Variants in TRPM1 observed in about 807,000 individuals in gnomAD.
TRPM1 encodes the protein TRPM1-203 APA Isoform, Intron 10.
A neutral mutation model predicts 149.4 loss-of-function variants in TRPM1; 113 were observed. The ratio of observed to expected loss-of-function variants is 0.76; its 90% CI spans 0.65 to 0.88. The LOEUF (loss-of-function observed/expected upper bound fraction) is 0.88. Ranked by LOEUF, TRPM1 falls within the 40% of genes least tolerant of loss-of-function variation. The probability of loss-of-function intolerance (pLI) is 0.00; values close to 1 mark genes in which losing one functional copy is unlikely to be tolerated. For missense variants in TRPM1, 1,976 were observed against 2,038.7 expected (o/e 0.97, Z 0.59); for synonymous variants, 741 against 759.5 (o/e 0.98, Z 0.40).
chr15:31,146,914 G>A (rs982008385), intron 1 of TRPM1, among the ~76,000 whole-genome samples: 2 of 152,084 alleles, frequency 1.3e-5, no homozygotes, highest in Non-Finnish European at 2.9e-5. Flanking sequence ...CTTGAACCCA[G>A]GAGGCAGAGG....
rs142461510 is a variant in TRPM1, at chr15:31,010,439, T to G, written c.3630-7369A>C. Among the ~76,000 whole-genome samples the G allele has an allele frequency of 4.9e-4, 74 of 152,326 alleles. No homozygotes were observed. In the East Asian group the frequency reaches 0.014, roughly 28 times the overall value. ...TATAAATATCCTTCTGAATACTGCT[T>G]TTACTGTATCCCATAAATTTTGGTA... On this transcript the variant is annotated intron_variant, in intron 27 of 27. Coordinates refer to ENST00000256552, the MANE Select transcript of TRPM1 (RefSeq NM_001252024.2).
intron 1 of TRPM1, among the ~76,000 whole-genome samples, chr15:31,111,574 G>A (rs1596078628): frequency 2.0e-5 from 3 of 152,308 alleles, no homozygotes; most frequent in Admixed American, 2.0e-4. Context: ...GATAGCAGCA[G>A]ACTGCATGAA....
intron 20 of TRPM1, 82 bp from the exon 21 acceptor site, chr15:31,035,756 G>A: frequency 6.3e-7 from 1 of 1,589,224 alleles, no homozygotes. Flanking sequence ...CTTTCAGGTT[G>A]ACACATCTAA....
At chr15:31,104,810 G>A (rs929509664), upstream of TRPM1, among the ~76,000 whole-genome samples, 3 of 151,960 alleles carry the variant, frequency 2.0e-5, no homozygotes, top group Admixed American at 6.6e-5. Flanking sequence ...TGGCCAGGAT[G>A]GTCTCAATCT....
chr15:31,156,506 G>A (rs930107679), intron 1 of TRPM1, among the ~76,000 whole-genome samples: 3 of 152,102 alleles, frequency 2.0e-5, no homozygotes, highest in Non-Finnish European at 4.4e-5. Context: ...TCTTAACCCA[G>A]ACACTTCTTT....
intron 7 of TRPM1, 24 bp from the exon 8 acceptor site, chr15:31,063,316 C>T (rs1352903085): frequency 6.2e-7 from 1 of 1,613,996 alleles, no homozygotes; most frequent in Non-Finnish European, 8.5e-7. Context: ...CACATTCGCC[C>T]ATACCACCTG....
chr15:31,069,483 GTAATT>G (rs1469687289), intron 4 of TRPM1: 2 of 1,063,100 alleles, frequency 1.9e-6, no homozygotes, highest in African/African-American at 3.3e-5. Flanking sequence ...ATGTAGGAGT[GTAATT>G]CAGAGTGAGC....
intron 1 of TRPM1, among the ~76,000 whole-genome samples, chr15:31,085,482 C>G (rs774804074): frequency 1.3e-5 from 2 of 152,174 alleles, no homozygotes; most frequent in Non-Finnish European, 2.9e-5. Flanking sequence ...TGGATTTTGT[C>G]AACATTGTCG....
intron 1 of TRPM1, among the ~76,000 whole-genome samples, chr15:31,159,208 G>C (rs925185576): frequency 6.6e-6 from 1 of 152,162 alleles, no homozygotes; most frequent in African/African-American, 2.4e-5. Flanking sequence ...GACCAAAATC[G>C]AAGTGATTCT....
chr15:31,097,435 G>A (rs770082799), intron 1 of TRPM1, among the ~76,000 whole-genome samples: 3 of 152,190 alleles, frequency 2.0e-5, no homozygotes, highest in Non-Finnish European at 2.9e-5. Context: ...AAGGGTGCAT[G>A]CCTGTCTTTG....
chr15:31,117,663 A>ATACACAC (rs869149260), intron 1 of TRPM1, among the ~76,000 whole-genome samples: 15 of 47,098 alleles, frequency 3.2e-4, no homozygotes, highest in African/African-American at 9.1e-4. Flanking sequence ...AAAAAAAAAA[A>ATACACAC]ATACACACAC....
chr15:31,046,211 C>G lies in TRPM1; in HGVS notation c.1787G>C (p.Gly596Ala). Residue 596 changes from glycine to alanine, a missense_variant, in exon 16 of 28, where the codon GGA becomes GCA. By Grantham distance (60) the Gly-to-Ala change is moderately conservative (BLOSUM62 0). This residue lies in a region of TRPM1 where 1,332 missense variants were observed against 1,347.1 expected (regional missense o/e 0.99). Coordinates refer to ENST00000256552, the MANE Select transcript of TRPM1 (RefSeq NM_001252024.2). ...PKRPKALKLL[G>A]MEDDEPPAKG... ...AAAACAAGTTCTACTTACTTCCATT[C>G]CCAGAAGTTTAAGAGCTTTAGGCTG... is the stretch of plus-strand genomic sequence containing the variant. 1 of 1,611,200 alleles carries G rather than the reference C, an allele frequency of 6.2e-7. No individual in the cohort carries two copies. Among genetic ancestry groups the G allele is most frequent in the Non-Finnish European group, 8.5e-7 (1 of 1,179,782 alleles).
chr15:31,111,826 T>C (rs2035693285), intron 1 of TRPM1, among the ~76,000 whole-genome samples: 1 of 152,194 alleles, frequency 6.6e-6, no homozygotes, highest in Non-Finnish European at 1.5e-5. Flanking sequence ...TAAGTAATGC[T>C]TTATCGCTTC....
In TRPM1 at chr15:31,027,081, C is replaced by A; in HGVS notation, c.3330G>T (p.Gln1110His). 1 of 1,614,120 alleles carries A rather than the reference C, an allele frequency of 6.2e-7. No homozygotes were observed. The highest frequency in any genetic ancestry group is 8.5e-7 in the Non-Finnish European group (1 of 1,180,030). Residue 1110 changes from glutamine to histidine, a missense_variant, in exon 26 of 28, where the codon CAG becomes CAT. Around this residue, in one of 3 missense-constraint regions of TRPM1, gnomAD observed 72 missense variants for 112.7 expected, o/e 0.64. Coordinates refer to ENST00000256552, the MANE Select transcript of TRPM1 (RefSeq NM_001252024.2). ...GCTGATATCGCTGGAACTTCCACAC[C>A]TGGTTGGATATTGATTTTACTTCAA... ...TFFEVKSISN[Q>H]VWKFQRYQLI...
At chr15:31,078,434 G>A (rs890158) in intron 2 of TRPM1, among the ~76,000 whole-genome samples, 66,515 of 152,040 alleles carry the variant, frequency 0.44, 15,280 homozygotes, top group East Asian at 0.78. Flanking sequence ...GATCCAAGTC[G>A]GCTTGTTACT....
At chr15:31,126,125 TC>T in intron 1 of TRPM1, among the ~76,000 whole-genome samples, 1 of 152,130 alleles carries the variant, frequency 6.6e-6, no homozygotes, top group East Asian at 1.9e-4. Context: ...GAGTGGAACT[TC>T]GTCTCAAAAA....
chr15:31,008,288 CTG>C (rs2032066029), intron 27 of TRPM1, among the ~76,000 whole-genome samples: 1 of 152,170 alleles, frequency 6.6e-6, no homozygotes, highest in African/African-American at 2.4e-5. Context: ...AGAAAGCAGT[CTG>C]TCTTTCACCA....
intron 1 of TRPM1, among the ~76,000 whole-genome samples, chr15:31,158,349 T>C (rs1400955470): frequency 6.6e-6 from 1 of 151,792 alleles, no homozygotes; most frequent in Non-Finnish European, 1.5e-5. Context: ...TAAAGTAGGC[T>C]GGGCTCGGTG....
chr15:31,024,558 G>A (rs995938811), intron 27 of TRPM1, among the ~76,000 whole-genome samples: 6 of 152,148 alleles, frequency 3.9e-5, no homozygotes, highest in African/African-American at 1.4e-4. Context: ...TCCCTATTAC[G>A]TGTGCACAGA....
Sources: allele counts gnomAD v4.1 joint callset (sites outside exome capture counted in the v4.1 genomes callset), GRCh38; gene constraint gnomAD v4.1.1; regional missense constraint gnomAD v4.1.1; transcripts MANE v1.5; gene names NCBI Gene and HGNC (gene_info 2026-07-23, HGNC 2026-07-21).